The following STK11 variants were observed in gnomAD, a reference collection of about 807,000 sequenced individuals.
STK11 encodes the protein serine/threonine-protein kinase STK11.
Under a neutral mutation model 47.3 loss-of-function variants are expected in STK11, and 8 were observed. That is an observed-to-expected ratio of 0.17 (90% CI 0.10 to 0.31). STK11 has a LOEUF of 0.31. Ranked by LOEUF, STK11 falls within the 10% of genes least tolerant of loss-of-function variation. STK11 has a pLI of 1.00. For synonymous variants in STK11, 330 were observed against 255.8 expected (o/e 1.29, Z -2.77); for missense variants, 475 against 605.0 (o/e 0.79, Z 2.25).
chr19:1,216,752 C>T (rs1268299358), intron 1 of STK11, among the ~76,000 whole-genome samples: 2 of 151,184 alleles, frequency 1.3e-5, no homozygotes, highest in Admixed American at 1.3e-4. Flanking sequence ...TCTGTAGTCC[C>T]AGCTACTTGC....
chr19:1,224,102 C>T (rs1235139075), intron 8 of STK11: 1 of 993,588 alleles, frequency 1.0e-6, no homozygotes, highest in African/African-American at 1.7e-5. Context: ...ACTCCTGGGC[C>T]CCTCATCAAA....
intron 8 of STK11, chr19:1,226,027 C>T (rs998424730): frequency 2.7e-5 from 27 of 1,015,796 alleles, no homozygotes; most frequent in East Asian, 1.0e-4. Flanking sequence ...GAGCCTGGCC[C>T]GAGCCTGGCC....
At chr19:1,207,353 G>GA (rs2080675251) in intron 1 of STK11, 150 bp downstream of exon 1, 1 of 1,162,658 alleles carries the variant, frequency 8.6e-7, no homozygotes, top group Admixed American at 2.7e-5. Context: ...CCGTGCCAGG[G>GA]AGAGCGTGGT....
In STK11 at chr19:1,220,379, C is replaced by T. The variant is rs766257141; in HGVS notation, c.471C>T (p.Phe157=). 1.9e-6 allele frequency: 3 copies of T among 1,601,570 alleles called. No individual in the cohort carries two copies. The South Asian group carries it at 3.4e-5, about 18-fold the overall frequency. ...GGGTGTGTGCTGCCCGCAGGTACTT[C>T]TGTCAGCTGATTGACGGCCTGGAGT... ...RFPVCQAHGY[F]CQLIDGLEYL... is the part of the protein sequence containing the mutation. Residue 157 remains phenylalanine (F), a synonymous_variant, in exon 4 of 10, where the codon TTC becomes TTT. Coordinates refer to ENST00000326873, the MANE Select transcript of STK11 (RefSeq NM_000455.5).
At chr19:1,217,206 T>C (rs2080750392) in intron 1 of STK11, among the ~76,000 whole-genome samples, 1 of 152,044 alleles carries the variant, frequency 6.6e-6, no homozygotes, top group Non-Finnish European at 1.5e-5. Context: ...TCGTCATTTT[T>C]GTTTTTGTTT....
In STK11 at chr19:1,207,525, C is replaced by G. The variant is rs564285900; in HGVS notation, c.290+322C>G. Among the ~76,000 whole-genome samples, 17 of 152,350 alleles carry G rather than the reference C, an allele frequency of 1.1e-4. No homozygotes were observed. In the South Asian group the frequency reaches 1.2e-3, roughly 11 times the overall value. ...CCTAAGACTAGCCCCTTGGCTCCCC[C>G]AGCTGTCCAAGGAGCAGAGGCGCCC... On this transcript the variant is annotated intron_variant, in intron 1 of 9. Transcript: ENST00000326873.
intron 9 of STK11, chr19:1,227,282 C>T (rs1466029667): frequency 5.7e-6 from 1 of 176,416 alleles, no homozygotes; most frequent in South Asian, 2.0e-4. Context: ...GGGCCCGAGG[C>T]TGAAGCCCCT....
chr19:1,224,274 C>T, intron 8 of STK11: 1 of 985,338 alleles, frequency 1.0e-6, no homozygotes, highest in Non-Finnish European at 1.2e-6. Flanking sequence ...TGTGGGGCCC[C>T]CAGGATCACA....
intron 8 of STK11, chr19:1,223,940 C>G (rs2080803744): frequency 9.9e-7 from 1 of 1,011,986 alleles, no homozygotes; most frequent in Non-Finnish European, 1.2e-6. Flanking sequence ...TTTACTGTTT[C>G]AGCGGGAAGT....
chr19:1,226,147 T>C (rs2080818881), intron 8 of STK11: 1 of 1,218,862 alleles, frequency 8.2e-7, no homozygotes, highest in Non-Finnish European at 1.0e-6. Context: ...TCAGCTTGCC[T>C]CCTACTCGTG....
chr19:1,226,546 A>G lies in STK11; in HGVS notation c.1201A>G (p.Ser401Gly), dbSNP rs2080822902. ...GAACGGCACAGAGGCGGCGCAGCTG[A>G]GCACCAAATCCAGGGCGGAGGGCCG... is the stretch of plus-strand genomic sequence containing the variant. Reference protein sequence around the residue: ...CMNGTEAAQLSTKSRAEGRAP... With the variant: ...CMNGTEAAQLGTKSRAEGRAP... The change falls in exon 9 of 10, where the codon AGC becomes GGC. Residue 401 changes from serine (S) to glycine (G), a missense_variant. Transcript: ENST00000326873. 2 of 1,604,378 alleles carry G rather than the reference A, an allele frequency of 1.2e-6. No individual in the cohort carries two copies. Among genetic ancestry groups the G allele is most frequent in the Non-Finnish European group, 1.7e-6 (2 of 1,176,624 alleles).
intron 6 of STK11, 78 bp downstream of exon 6, chr19:1,221,418 G>A (rs1167544779): frequency 2.7e-6 from 4 of 1,481,622 alleles, no homozygotes; most frequent in South Asian, 1.3e-5. Flanking sequence ...GGGGTGTCAG[G>A]TGGGGGGCTA....
Position 1,225,028 on chromosome 19 carries a change from C to G in STK11, c.1109-1426C>G, listed in dbSNP as rs1243573060. Reference sequence around the variant, plus strand: ...GGCCTCTGCGTGCCTCCACTTTGGCCTCACGTGTCCCTACCCAGGATGCGG... The same window carrying G: ...GGCCTCTGCGTGCCTCCACTTTGGCGTCACGTGTCCCTACCCAGGATGCGG... On this transcript the variant is annotated intron_variant, in intron 8 of 9. Coordinates refer to ENST00000326873, the MANE Select transcript of STK11 (RefSeq NM_000455.5). 3 of 980,438 alleles carry G rather than the reference C, an allele frequency of 3.1e-6. No homozygotes were observed. In the African/African-American group the frequency reaches 5.3e-5, roughly 17 times the overall value. 60.7% of individuals were successfully genotyped at this position (980,438 alleles called of 1,614,324 possible). A position where few individuals can be genotyped will look rare whatever the true frequency, so the allele number is the denominator to read the frequency against.
chr19:1,226,068 G>C, intron 8 of STK11: 1 of 1,049,220 alleles, frequency 9.5e-7, no homozygotes, highest in Middle Eastern at 4.5e-4. Context: ...AGCATGTGGC[G>C]GCTCCTGGGC....
At chr19:1,226,063 G>A in intron 8 of STK11, 2 of 1,049,916 alleles carry the variant, frequency 1.9e-6, no homozygotes, top group South Asian at 6.6e-5. Flanking sequence ...AGATGAGCAT[G>A]TGGCGGCTCC....
In STK11 at chr19:1,223,807, C is replaced by T. The variant is rs1392564904; in HGVS notation, c.1108+635C>T. Reference sequence around the variant, plus strand: ...GCCCACATTGGCAGCCAGCCCCTCCCCGCCATGCTCCCGGCTTGGCTGTGT... The same window carrying T: ...GCCCACATTGGCAGCCAGCCCCTCCTCGCCATGCTCCCGGCTTGGCTGTGT... On this transcript the variant is annotated intron_variant, in intron 8 of 9. Coordinates refer to ENST00000326873, the MANE Select transcript of STK11 (RefSeq NM_000455.5). 3 of 1,033,442 alleles carry T rather than the reference C, an allele frequency of 2.9e-6. No homozygotes were observed. The East Asian group carries it at 1.8e-4, about 61-fold the overall frequency. 64.0% of individuals were successfully genotyped at this position (1,033,442 alleles called of 1,614,324 possible). A position where few individuals can be genotyped will look rare whatever the true frequency, so the allele number is the denominator to read the frequency against.
intron 1 of STK11, among the ~76,000 whole-genome samples, chr19:1,216,725 G>C (rs1050888794): frequency 6.6e-6 from 1 of 151,968 alleles, no homozygotes; most frequent in African/African-American, 2.4e-5. Context: ...AAAATTAGCT[G>C]GGCATGGTAG....
intron 1 of STK11, among the ~76,000 whole-genome samples, chr19:1,215,600 T>G (rs760819320): frequency 3.9e-5 from 6 of 152,216 alleles, no homozygotes; most frequent in Non-Finnish European, 8.8e-5. Context: ...GGCCTTGGCC[T>G]TCTGAGGTTG....
At chr19:1,224,581 G>T in intron 8 of STK11, 3 of 985,588 alleles carry the variant, frequency 3.0e-6, no homozygotes, top group Non-Finnish European at 3.6e-6. Flanking sequence ...TGGACCACAC[G>T]CTGACCCCCA....
Sources: allele counts gnomAD v4.1 joint callset (sites outside exome capture counted in the v4.1 genomes callset), GRCh38; gene constraint gnomAD v4.1.1; transcripts MANE v1.5; gene names NCBI Gene and HGNC (gene_info 2026-07-23, HGNC 2026-07-21).